The following FFAR4 variants were observed in gnomAD, a reference collection of about 807,000 sequenced individuals.
FFAR4 encodes free fatty acid receptor 4.
A neutral mutation model predicts 27.0 loss-of-function variants in FFAR4; 19 were observed. The observed-to-expected ratio is 0.70, with a 90% CI of 0.49 to 1.03. The LOEUF (loss-of-function observed/expected upper bound fraction) is 1.03, where lower values mean the gene tolerates loss of function less well. FFAR4 is among the 50% of genes least tolerant of loss of function. The pLI is 0.00. For synonymous variants in FFAR4, 254 were observed against 215.6 expected (o/e 1.18, Z -1.56); for missense variants, 476 against 479.0 (o/e 0.99, Z 0.06).
At chr10:93,571,476 T>G (rs1466748053) in intron 1 of FFAR4, among the ~76,000 whole-genome samples, 1 of 152,160 alleles carries the variant, frequency 6.6e-6, no homozygotes, top group Non-Finnish European at 1.5e-5. Context: ...GTCACAGAAT[T>G]GCAAGAGATG....
intron 1 of FFAR4, among the ~76,000 whole-genome samples, chr10:93,572,199 C>T (rs1008959990): frequency 6.6e-6 from 1 of 152,150 alleles, no homozygotes; most frequent in African/African-American, 2.4e-5. Context: ...GATGATTGCA[C>T]AAGCTTTGGA....
rs777426602 is a variant in FFAR4 at position 93,567,113 on chromosome 10, G to T, written c.393G>T (p.Ala131=). 4.4e-6 allele frequency: 7 copies of T among 1,608,706 alleles called. No individual in the cohort carries two copies. The highest frequency in any genetic ancestry group is 2.2e-5 in the East Asian group (1 of 44,810). Residue 131 remains alanine, a synonymous_variant, in exon 1 of 3, where the codon GCG becomes GCT. Coordinates refer to ENST00000371481, the MANE Select transcript of FFAR4 (RefSeq NM_001195755.2). ...GCGTCACCATCCTCACGCTGGCCGCGGTCAGCCTGGAGCGCATGGTGTGCA... is the reference window on the plus strand; with the variant it reads ...GCGTCACCATCCTCACGCTGGCCGCTGTCAGCCTGGAGCGCATGGTGTGCA... ...SGSVTILTLA[A]VSLERMVCIV...
chr10:93,582,065 T>C (rs1178199824), intron 2 of FFAR4, among the ~76,000 whole-genome samples: 3 of 152,190 alleles, frequency 2.0e-5, no homozygotes, highest in Admixed American at 2.0e-4. Flanking sequence ...TAAAAGCACA[T>C]CAAGCATTCT....
intron 2 of FFAR4, among the ~76,000 whole-genome samples, chr10:93,585,335 G>A (rs1174881380): frequency 3.3e-5 from 5 of 152,180 alleles, no homozygotes; most frequent in Non-Finnish European, 7.3e-5. Context: ...TACGCATGAG[G>A]AGGCTTATTC....
rs754838579 is a variant in FFAR4, at chr10:93,587,497, T to C, written c.974T>C (p.Leu325Pro). 2 of 1,614,096 alleles carry C rather than the reference T, an allele frequency of 1.2e-6. No homozygotes were observed. Among genetic ancestry groups the C allele is most frequent in the South Asian group, 1.1e-5 (1 of 91,064 alleles). Residue 325 changes from leucine to proline, a missense_variant, in exon 3 of 3, where the codon CTG becomes CCG. Coordinates refer to ENST00000371481, the MANE Select transcript of FFAR4 (RefSeq NM_001195755.2). The part of the protein sequence containing the change: ...ALNPILYNMT[L>P]CRNEWKKIFC... ...AACCCCATCCTCTACAACATGACAC[T>C]GTGCAGGAATGAGTGGAAGAAAATT... is the stretch of plus-strand genomic sequence containing the variant.
chr10:93,568,726 C>T (rs944149670), intron 1 of FFAR4, among the ~76,000 whole-genome samples: 2 of 152,104 alleles, frequency 1.3e-5, no homozygotes, highest in Admixed American at 6.5e-5. Flanking sequence ...GAGTCTGCCT[C>T]CTGTATCCTG....
rs550339381 is a variant in FFAR4, at chr10:93,587,249, G to A, written c.726G>A (p.Thr242=). ...CAAAGGCATCAAGGAAGAGGCTCACGGTAAGCCTGGCCTACTCGGAGAGCC... is the reference window on the plus strand; with the variant it reads ...CAAAGGCATCAAGGAAGAGGCTCACAGTAAGCCTGGCCTACTCGGAGAGCC... ...QITKASRKRL[T]VSLAYSESHQ... is the part of the protein sequence containing the mutation. Residue 242 remains threonine, a synonymous_variant, in exon 3 of 3, where the codon ACG becomes ACA. Transcript: ENST00000371481. 24 of 1,613,990 alleles carry A rather than the reference G, an allele frequency of 1.5e-5. No homozygotes were observed. Among genetic ancestry groups the A allele is most frequent in the Admixed American group, 5.0e-5 (3 of 60,024 alleles).
intron 2 of FFAR4, 29 bp from the exon 3 acceptor site, chr10:93,587,191 G>A (rs756633152): frequency 3.0e-5 from 47 of 1,587,152 alleles, no homozygotes; most frequent in Non-Finnish European, 4.0e-5. Flanking sequence ...GGTCACCTGT[G>A]GCTCCAGTCC....
At chr10:93,582,797 G>A (rs560961942) in intron 2 of FFAR4, among the ~76,000 whole-genome samples, 9 of 152,274 alleles carry the variant, frequency 5.9e-5, no homozygotes, top group Non-Finnish European at 1.3e-4. Flanking sequence ...AGCTTTAGTT[G>A]ACTCGGTTCC....
intron 1 of FFAR4, among the ~76,000 whole-genome samples, chr10:93,572,806 G>T (rs1286153040): frequency 6.6e-6 from 1 of 152,220 alleles, no homozygotes; most frequent in Non-Finnish European, 1.5e-5. Flanking sequence ...TATTGGGCAA[G>T]TCTGGGGTTC....
rs1305131006 is a variant in FFAR4, at chr10:93,588,188, T to C, written c.*579T>C. The C allele has an allele frequency of 2.6e-5, 4 of 152,640 alleles. No homozygotes were observed. The highest frequency in any genetic ancestry group is 1.3e-4 in the Admixed American group (2 of 15,324). 9.5% of individuals were successfully genotyped at this position (152,640 alleles called of 1,614,324 possible). On this transcript the variant is annotated 3_prime_UTR_variant, in exon 3 of 3. Transcript: ENST00000371481. ...ATCAAATTTAATAAATATTTATTTA[T>C]GACTGTTCAGCAATCACATCTCCTA...
intron 2 of FFAR4, among the ~76,000 whole-genome samples, chr10:93,585,738 A>G (rs549097970): frequency 6.6e-5 from 10 of 152,346 alleles, no homozygotes; most frequent in Non-Finnish European, 1.2e-4. Context: ...TGGTGCCAAC[A>G]GGCCCTGTTG....
At chr10:93,574,495 G>C (rs1394058929) in intron 1 of FFAR4, among the ~76,000 whole-genome samples, 1 of 152,132 alleles carries the variant, frequency 6.6e-6, no homozygotes, top group Non-Finnish European at 1.5e-5. Context: ...TGGAATGAGG[G>C]GTCCATAGTG....
At position 93,576,137 on chromosome 10, in the gene FFAR4, T is replaced by A; in HGVS notation, c.614T>A (p.Ile205Asn). 1 of 1,613,856 alleles carries A rather than the reference T, an allele frequency of 6.2e-7. No individual in the cohort carries two copies. Among genetic ancestry groups the A allele is most frequent in the Non-Finnish European group, 8.5e-7 (1 of 1,179,730 alleles). Reference protein sequence around the residue: ...TLIWPTIPGEISWDVSFVTLN... With the variant: ...TLIWPTIPGENSWDVSFVTLN... Reference sequence around the variant, plus strand: ...ATTTGGCCCACCATTCCTGGAGAGATCTCGTGGGATGTCTCTTTTGTTACT... The same window carrying A: ...ATTTGGCCCACCATTCCTGGAGAGAACTCGTGGGATGTCTCTTTTGTTACT... The change falls in exon 2 of 3, where the codon ATC (isoleucine) becomes AAC (asparagine). Residue 205 changes from isoleucine to asparagine, a missense_variant. Ile to Asn is a moderately radical substitution (Grantham distance 149, BLOSUM62 -3). Coordinates refer to ENST00000371481, the MANE Select transcript of FFAR4 (RefSeq NM_001195755.2).
intron 2 of FFAR4, among the ~76,000 whole-genome samples, chr10:93,578,392 G>C (rs991052167): frequency 1.1e-4 from 15 of 139,046 alleles, no homozygotes; most frequent in African/African-American, 4.3e-4. Context: ...ACTCCAGCCT[G>C]GGCAACAAAG....
rs564549594 is a variant in FFAR4 at position 93,583,196 on chromosome 10, T to A, written c.697-4024T>A. Among the ~76,000 whole-genome samples, 904 of 144,728 alleles carry A rather than the reference T, an allele frequency of 6.2e-3. 12 individuals carry two copies. Among genetic ancestry groups the A allele is most frequent in the African/African-American group, 0.02 (760 of 38,950 alleles). The allele number at this position is 144,728 out of a possible 152,430, so 94.9% of individuals were successfully genotyped here. A position where few individuals can be genotyped will look rare whatever the true frequency, so the allele number is the denominator to read the frequency against. ...GGCGGGTGGATCACGAGGTCAGGAGTTCGAGACCATCCTGGCTAACACGGT... is the reference window on the plus strand; with the variant it reads ...GGCGGGTGGATCACGAGGTCAGGAGATCGAGACCATCCTGGCTAACACGGT... On this transcript the variant is annotated intron_variant, in intron 2 of 2. Transcript: ENST00000371481.
At chr10:93,569,532 C>G (rs1187006438) in intron 1 of FFAR4, among the ~76,000 whole-genome samples, 1 of 152,138 alleles carries the variant, frequency 6.6e-6, no homozygotes, top group Non-Finnish European at 1.5e-5. Flanking sequence ...CACAGTTGTG[C>G]TGTAAGGTGC....
chr10:93,573,931 A>G (rs980559932), intron 1 of FFAR4, among the ~76,000 whole-genome samples: 6 of 152,226 alleles, frequency 3.9e-5, no homozygotes, highest in Admixed American at 3.9e-4. Context: ...CTTTTATAAA[A>G]GTAATATAGG....
chr10:93,576,253 A>C, intron 2 of FFAR4, 34 bp downstream of exon 2: 1 of 1,612,186 alleles, frequency 6.2e-7, no homozygotes, highest in African/African-American at 1.3e-5. Flanking sequence ...ACTGAACTTC[A>C]CCCAGGCTTG....
Sources: gnomAD v4.1 joint callset for allele counts (sites outside exome capture counted in the v4.1 genomes callset) on GRCh38, gnomAD v4.1.1 for gene constraint, MANE v1.5 for transcripts, NCBI Gene and HGNC (gene_info 2026-07-23, HGNC 2026-07-21) for gene names.